Variants in NAF1 observed in about 807,000 individuals in gnomAD.
The protein encoded by NAF1 is nuclear assembly factor 1 ribonucleoprotein, also known as H/ACA ribonucleoprotein complex non-core subunit NAF1.
Under a neutral mutation model 40.6 loss-of-function variants are expected in NAF1, and 11 were observed. The ratio of observed to expected loss-of-function variants is 0.27; its 90% CI spans 0.17 to 0.45. The LOEUF (loss-of-function observed/expected upper bound fraction) is 0.45. Among genes scored for constraint, NAF1 ranks in the 20% least tolerant of loss-of-function variants. The pLI is 1.00. For missense variants in NAF1, 607 were observed against 611.1 expected, an observed-to-expected ratio of 0.99 and a Z score of 0.07; for synonymous variants, 260 against 228.5, an observed-to-expected ratio of 1.14 and a Z score of -1.24.
intron 7 of NAF1, among the ~76,000 whole-genome samples, chr4:163,130,343 C>T (rs1267999038): frequency 2.0e-5 from 3 of 151,884 alleles, no homozygotes; most frequent in Admixed American, 1.3e-4. Context: ...ATATTATGAA[C>T]ATTCTAAAAA....
intron 2 of NAF1, among the ~76,000 whole-genome samples, chr4:163,121,525 T>C (rs1730518058): frequency 6.6e-6 from 1 of 152,188 alleles, no homozygotes; most frequent in Admixed American, 6.5e-5. Flanking sequence ...CTTTATTTTT[T>C]ATATTTTCCA....
At chr4:163,110,278 A>G (rs1231661104) in exon 3 of NAF1, 1 of 701,364 alleles carries the variant, frequency 1.4e-6, no homozygotes, top group Non-Finnish European at 2.6e-6. Flanking sequence ...AGTTACCTTC[A>G]GTCAACCATG....
chr4:163,131,204 T>C (rs762604186), intron 7 of NAF1, among the ~76,000 whole-genome samples: 69 of 152,224 alleles, frequency 4.5e-4, no homozygotes, highest in Non-Finnish European at 8.1e-4. Context: ...ACTTCTTAGA[T>C]AGGACATCAA....
intron 2 of NAF1, among the ~76,000 whole-genome samples, chr4:163,114,606 G>A (rs1405632734): frequency 6.6e-6 from 1 of 152,058 alleles, no homozygotes; most frequent in Non-Finnish European, 1.5e-5. Context: ...TTTTATATTT[G>A]CTGTTTCCAT....
chr4:163,104,233 G>A, the NAF1 span, among the ~76,000 whole-genome samples: 46 of 150,628 alleles, frequency 3.1e-4, no homozygotes, highest in African/African-American at 1.1e-3. Context: ...CACTTCTTTT[G>A]TGATTCTTCA....
chr4:163,139,118 C>T (rs1429995815), intron 5 of NAF1, among the ~76,000 whole-genome samples: 1 of 152,054 alleles, frequency 6.6e-6, no homozygotes, highest in East Asian at 1.9e-4. Context: ...AATTTGGTGA[C>T]TTGAGACTTG....
At chr4:163,120,987 G>C (rs1489874725) in intron 2 of NAF1, among the ~76,000 whole-genome samples, 2 of 152,108 alleles carry the variant, frequency 1.3e-5, no homozygotes, top group Non-Finnish European at 2.9e-5. Context: ...CGCCTCTCGG[G>C]TTCAAGCAAT....
chr4:163,138,297 C>T (rs777142927), intron 5 of NAF1, among the ~76,000 whole-genome samples: 7 of 152,052 alleles, frequency 4.6e-5, no homozygotes, highest in Non-Finnish European at 8.8e-5. Context: ...AAAAGCATTT[C>T]CTCAATTGTC....
intron 2 of NAF1, among the ~76,000 whole-genome samples, chr4:163,111,717 G>A (rs1374031182): frequency 6.6e-6 from 1 of 152,118 alleles, no homozygotes; most frequent in African/African-American, 2.4e-5. Context: ...ATTAGAAAAG[G>A]GGACTGAGAA....
intron 5 of NAF1, 35 bp downstream of exon 5, chr4:163,140,188 G>C (rs1245364909): frequency 6.6e-7 from 1 of 1,504,788 alleles, no homozygotes; most frequent in Non-Finnish European, 9.0e-7. Context: ...TAAACGTTAG[G>C]TAAGTGAAGA....
At chr4:163,127,015 CG>C (rs1730677760), downstream of NAF1, 7 of 1,551,316 alleles carry the variant, frequency 4.5e-6, no homozygotes, top group Non-Finnish European at 5.2e-6. Context: ...AGCATGTAAA[CG>C]TAACTTTTAT....
Position 163,133,103 on chromosome 4 carries a change from T to C in NAF1, c.1033+51A>G, listed in dbSNP as rs1451924566. On this transcript the variant is annotated intron_variant, in intron 7 of 7. Transcript: ENST00000274054. Reference sequence around the variant, plus strand: ...TTCAGTTTTATTATTGATAAACTTATATAGATGTAAATGAAGATAAAGAAC... The same window carrying C: ...TTCAGTTTTATTATTGATAAACTTACATAGATGTAAATGAAGATAAAGAAC... 6 of 1,415,250 alleles carry C rather than the reference T, an allele frequency of 4.2e-6. No homozygotes were observed. The South Asian group carries it at 7.1e-5, about 17-fold the overall frequency. 87.7% of individuals were successfully genotyped at this position (1,415,250 alleles called of 1,614,324 possible). A position where few individuals can be genotyped will look rare whatever the true frequency, so the allele number is the denominator to read the frequency against.
chr4:163,127,957 T>C (rs1419206501), downstream of NAF1, among the ~76,000 whole-genome samples: 1 of 152,252 alleles, frequency 6.6e-6, no homozygotes, highest in Non-Finnish European at 1.5e-5. Context: ...CTGAGTGATC[T>C]TAGTTAAATT....
Position 163,145,850 on chromosome 4 carries a change from T to G in NAF1, c.649A>C (p.Met217Leu). 1 of 1,501,168 alleles carries G rather than the reference T, an allele frequency of 6.7e-7. No homozygotes were observed. Among genetic ancestry groups the G allele is most frequent in the Non-Finnish European group, 9.2e-7 (1 of 1,088,956 alleles). The allele number at this position is 1,501,168 out of a possible 1,614,324, so 93.0% of individuals were successfully genotyped here. ...IIEQLVIIES[M>L]TNLPPVNEET... Reference sequence around the variant, plus strand: ...TCATTAACTGGAGGTAGGTTAGTCATAGATTCAATTATTACTGAAAAATAA... The same window carrying G: ...TCATTAACTGGAGGTAGGTTAGTCAGAGATTCAATTATTACTGAAAAATAA... The change falls in exon 4 of 8, where the codon ATG (methionine) becomes CTG (leucine). Residue 217 changes from methionine (M) to leucine (L), a missense_variant. Met to Leu is a conservative substitution (Grantham distance 15). This residue lies in a region of NAF1 where 407 missense variants were observed against 365.5 expected (regional missense o/e 1.11). Transcript: ENST00000274054.
chr4:163,158,742 TATCTTTC>T (rs1453825715), intron 2 of NAF1, among the ~76,000 whole-genome samples: 1 of 152,158 alleles, frequency 6.6e-6, no homozygotes, highest in Admixed American at 6.5e-5. Flanking sequence ...ACTTTAAGCC[TATCTTTC>T]ATGTTAATTG....
intron 6 of NAF1, 198 bp from the exon 7 acceptor site, chr4:163,133,454 TTTAA>T: frequency 2.0e-6 from 1 of 509,334 alleles, no homozygotes; most frequent in Non-Finnish European, 3.5e-6. Flanking sequence ...GCTTAATGAC[TTTAA>T]TTAACACAGG....
chr4:163,166,364 T>TGTCCGA lies in NAF1; in HGVS notation c.358_363dup (p.Asp121_Ser122dup). On this transcript the variant is annotated inframe_insertion and splice_region_variant, in exon 1 of 8. Coordinates refer to ENST00000274054, the MANE Select transcript of NAF1 (RefSeq NM_138386.3). ...CTCCGGGTCCCTTAGGCACCCGACCTGTCCGAGTCCGAATCCGAGTCCGAG... is the reference window on the plus strand; with the variant it reads ...CTCCGGGTCCCTTAGGCACCCGACCTGTCCGAGTCCGAGTCCGAATCCGAGTCCGAG... The TGTCCGA allele has an allele frequency of 6.3e-7, 1 of 1,594,096 alleles. No homozygotes were observed. Among genetic ancestry groups the TGTCCGA allele is most frequent in the Non-Finnish European group, 8.5e-7 (1 of 1,169,598 alleles).
At chr4:163,130,965 G>A (rs1579141569) in intron 7 of NAF1, among the ~76,000 whole-genome samples, 1 of 152,114 alleles carries the variant, frequency 6.6e-6, no homozygotes, top group African/African-American at 2.4e-5. Context: ...TGCAACCTCC[G>A]CTGCCCGGGT....
chr4:163,113,887 G>A (rs1730243882), intron 2 of NAF1, among the ~76,000 whole-genome samples: 1 of 152,116 alleles, frequency 6.6e-6, no homozygotes, highest in African/African-American at 2.4e-5. Context: ...ATGGCAATGA[G>A]GTCACTAATG....
Sources: gnomAD v4.1 joint callset for allele counts (sites outside exome capture counted in the v4.1 genomes callset) on GRCh38, gnomAD v4.1.1 for gene constraint, gnomAD v4.1.1 regional missense constraint, MANE v1.5 for transcripts, NCBI Gene and HGNC (gene_info 2026-07-23, HGNC 2026-07-21) for gene names.